HCN1: variants seen among roughly 807,000 people sequenced by gnomAD.
The protein encoded by HCN1 is hyperpolarization activated cyclic nucleotide gated potassium channel 1, also known as potassium/sodium hyperpolarization-activated cyclic nucleotide-gated channel 1.
Under a neutral mutation model 78.9 loss-of-function variants are expected in HCN1, and 13 were observed. That is an observed-to-expected ratio of 0.16 (90% CI 0.11 to 0.26). The LOEUF (loss-of-function observed/expected upper bound fraction) is 0.26. HCN1 is among the 10% of genes least tolerant of loss of function. The pLI is 1.00. For synonymous variants in HCN1, 552 were observed against 455.5 expected (o/e 1.21, Z -2.70); for missense variants, 810 against 1,154.3 (o/e 0.70, Z 4.32).
intron 2 of HCN1, among the ~76,000 whole-genome samples, chr5:45,504,167 T>C (rs1330009982): frequency 6.6e-6 from 1 of 152,116 alleles, no homozygotes. Context: ...TTGTTACATA[T>C]GTATACATGT....
At chr5:45,661,370 C>T (rs918227630) in intron 1 of HCN1, among the ~76,000 whole-genome samples, 4 of 150,826 alleles carry the variant, frequency 2.7e-5, no homozygotes, top group South Asian at 2.1e-4. Context: ...CCAAAATCGA[C>T]ACCCTAACAT....
intron 5 of HCN1, among the ~76,000 whole-genome samples, chr5:45,325,005 T>C (rs1233655505): frequency 6.6e-6 from 1 of 151,624 alleles, no homozygotes; most frequent in African/African-American, 2.4e-5. Context: ...ACTTGGTGCA[T>C]AGAAGGTGCC....
intron 1 of HCN1, among the ~76,000 whole-genome samples, chr5:45,686,471 G>A (rs764272598): frequency 7.9e-5 from 12 of 152,064 alleles, no homozygotes; most frequent in East Asian, 3.9e-4. Context: ...CCACATTTAC[G>A]TTTCTCCTGC....
intron 5 of HCN1, among the ~76,000 whole-genome samples, chr5:45,337,805 T>C (rs1209875256): frequency 2.6e-5 from 4 of 152,128 alleles, no homozygotes. Context: ...GGAAGGCCTC[T>C]TCAGGAGATA....
chr5:45,677,697 G>A (rs1739604773), intron 1 of HCN1, among the ~76,000 whole-genome samples: 1 of 151,806 alleles, frequency 6.6e-6, no homozygotes, highest in African/African-American at 2.4e-5. Flanking sequence ...TGACAAGCAA[G>A]AGAGAGAAAG....
intron 4 of HCN1, among the ~76,000 whole-genome samples, chr5:45,374,720 A>T (rs1276269613): frequency 1.3e-5 from 2 of 150,538 alleles, no homozygotes; most frequent in Non-Finnish European, 3.0e-5. Flanking sequence ...AATATGCTTG[A>T]TGAACACAGA....
chr5:45,445,964 T>A (rs1196271087), intron 3 of HCN1, among the ~76,000 whole-genome samples: 1 of 151,996 alleles, frequency 6.6e-6, no homozygotes, highest in East Asian at 1.9e-4. Flanking sequence ...AACTGGAAAC[T>A]CTAAAAAGCA....
intron 2 of HCN1, among the ~76,000 whole-genome samples, chr5:45,536,092 TCTCA>T (rs1561192647): frequency 6.6e-6 from 1 of 152,174 alleles, no homozygotes; most frequent in Admixed American, 6.5e-5. Flanking sequence ...TGTATTCTCC[TCTCA>T]CTCTATGTAA....
At chr5:45,445,173 C>T (rs1172115598) in intron 3 of HCN1, among the ~76,000 whole-genome samples, 2 of 152,198 alleles carry the variant, frequency 1.3e-5, no homozygotes, top group Non-Finnish European at 2.9e-5. Flanking sequence ...AATCGGGTCA[C>T]TCCCACCCGA....
At chr5:45,364,330 T>A (rs1162518881) in intron 4 of HCN1, among the ~76,000 whole-genome samples, 1 of 152,116 alleles carries the variant, frequency 6.6e-6, no homozygotes, top group Non-Finnish European at 1.5e-5. Context: ...ATCCCTGATC[T>A]CGACTCGTAA....
intron 2 of HCN1, among the ~76,000 whole-genome samples, chr5:45,536,096 A>G (rs950221946): frequency 3.3e-5 from 5 of 151,194 alleles, no homozygotes; most frequent in South Asian, 2.1e-4. Flanking sequence ...TTCTCCTCTC[A>G]CTCTATGTAA....
At chr5:45,402,718 G>A (rs565480813) in intron 3 of HCN1, among the ~76,000 whole-genome samples, 91 of 152,150 alleles carry the variant, frequency 6.0e-4, no homozygotes, top group African/African-American at 2.0e-3. Context: ...GGAAAATTCA[G>A]AAGGATTAAT....
intron 2 of HCN1, among the ~76,000 whole-genome samples, chr5:45,626,585 T>C (rs1431356530): frequency 6.6e-6 from 1 of 152,142 alleles, no homozygotes; most frequent in African/African-American, 2.4e-5. Context: ...GTTCAGGAAA[T>C]ATCTATTTGT....
chr5:45,693,302 G>A (rs1580053674), intron 1 of HCN1, among the ~76,000 whole-genome samples: 1 of 151,558 alleles, frequency 6.6e-6, no homozygotes, highest in South Asian at 2.1e-4. Flanking sequence ...ATGTAAACAA[G>A]TACATGATTA....
At chr5:45,612,678 C>T (rs1471694654) in intron 2 of HCN1, among the ~76,000 whole-genome samples, 4 of 152,010 alleles carry the variant, frequency 2.6e-5, no homozygotes, top group Admixed American at 1.3e-4. Flanking sequence ...ACTGATGAAC[C>T]CTGAAAGTGA....
At chr5:45,280,759 T>C (rs1745141109) in intron 6 of HCN1, among the ~76,000 whole-genome samples, 1 of 152,228 alleles carries the variant, frequency 6.6e-6, no homozygotes, top group Admixed American at 6.5e-5. Flanking sequence ...TCAAAGCATC[T>C]ATAAATAAAC....
chr5:45,385,634 T>C (rs941127178), intron 4 of HCN1, among the ~76,000 whole-genome samples: 4 of 152,210 alleles, frequency 2.6e-5, no homozygotes, highest in African/African-American at 9.6e-5. Flanking sequence ...ATTTACCGTA[T>C]TTGCAAGGTA....
At chr5:45,503,001 A>G (rs1464400578) in intron 2 of HCN1, among the ~76,000 whole-genome samples, 1 of 152,196 alleles carries the variant, frequency 6.6e-6, no homozygotes, top group African/African-American at 2.4e-5. Context: ...ACAACACAAT[A>G]GTTAAAGTGA....
intron 1 of HCN1, among the ~76,000 whole-genome samples, chr5:45,652,200 C>A (rs1434764312): frequency 6.6e-6 from 1 of 151,870 alleles, no homozygotes. Context: ...TCTCCTGAAA[C>A]TGTATTTTTT....
Sources: allele counts gnomAD v4.1 joint callset (sites outside exome capture counted in the v4.1 genomes callset), GRCh38; gene constraint gnomAD v4.1.1; transcripts MANE v1.5; gene names NCBI Gene and HGNC (gene_info 2026-07-23, HGNC 2026-07-21).